SCEL: variants seen among roughly 807,000 people sequenced by gnomAD.
SCEL encodes sciellin.
SCEL carries 113 observed loss-of-function variants against 117.6 expected under a neutral mutation model. That is an observed-to-expected ratio of 0.96 (90% CI 0.83 to 1.12). The LOEUF (loss-of-function observed/expected upper bound fraction) is 1.12. Among genes scored for constraint, SCEL ranks in the 50% most tolerant of loss-of-function variants. The pLI is 0.00. For missense variants in SCEL, 785 were observed against 810.8 expected (o/e 0.97, Z 0.39); for synonymous variants, 270 against 256.2 (o/e 1.05, Z -0.51).
chr13:77,562,138 A>T (rs1196262615), intron 4 of SCEL, among the ~76,000 whole-genome samples: 1 of 152,168 alleles, frequency 6.6e-6, no homozygotes, highest in African/African-American at 2.4e-5. Flanking sequence ...CAAACAAAAC[A>T]AAGTCCCTGC....
In SCEL at chr13:77,604,363, G is replaced by T. The variant is rs372992849; in HGVS notation, c.1105G>T (p.Asp369Tyr). Residue 369 changes from aspartate (D) to tyrosine (Y), a missense_variant, in exon 19 of 33, where the codon GAC becomes TAC. Transcript: ENST00000349847. ...TAATTTCCTTTTTCAAAGAAAAAAA[G>T]ACCTTGATGGGCTTATTAAAGTGGA... ...KGHENTTGKK[D>Y]LDGLIKVDPE... 4 of 1,565,490 alleles carry T rather than the reference G, an allele frequency of 2.6e-6. No homozygotes were observed. Among genetic ancestry groups the T allele is most frequent in the Admixed American group, 2.1e-5 (1 of 46,722 alleles).
chr13:77,589,839 ATC>A (rs2086770624), intron 10 of SCEL, among the ~76,000 whole-genome samples: 1 of 152,130 alleles, frequency 6.6e-6, no homozygotes, highest in Non-Finnish European at 1.5e-5. Flanking sequence ...TCAGCTTTGA[ATC>A]TCTGTCACTC....
In SCEL at chr13:77,637,019, G is replaced by A. The variant is rs538182236; in HGVS notation, c.1764-101G>A. On this transcript the variant is annotated intron_variant, in intron 29 of 32. Transcript: ENST00000349847. ...CATCCTGGCTTGTAACATACACAAAGATAAAATATTATGAGGCTTCATGAG... is the reference window on the plus strand; with the variant it reads ...CATCCTGGCTTGTAACATACACAAAAATAAAATATTATGAGGCTTCATGAG... 496 of 544,762 alleles carry A rather than the reference G, an allele frequency of 9.1e-4. 10 individuals are homozygous for A. Among genetic ancestry groups the A allele is most frequent in the South Asian group, 9.1e-3 (476 of 52,386 alleles). 33.7% of individuals were successfully genotyped at this position (544,762 alleles called of 1,614,324 possible). A position where few individuals can be genotyped will look rare whatever the true frequency, so the allele number is the denominator to read the frequency against.
chr13:77,599,529 T>C, intron 14 of SCEL, 141 bp downstream of exon 14: 1 of 870,394 alleles, frequency 1.1e-6, no homozygotes. Flanking sequence ...GCATTGTACA[T>C]TTAGTTCAGA....
In SCEL at chr13:77,612,816, A is replaced by G. The variant is rs1478614715; in HGVS notation, c.1338-75A>G. 5 of 806,784 alleles carry G rather than the reference A, an allele frequency of 6.2e-6. No homozygotes were observed. The African/African-American group carries it at 9.0e-5, about 15-fold the overall frequency. 50.0% of individuals were successfully genotyped at this position (806,784 alleles called of 1,614,324 possible). ...TTTTAAATTAGCAGGTCATTTGATT[A>G]ATATTAAGGTTGAAAAAATATACAA... On this transcript the variant is annotated intron_variant, in intron 22 of 32. Transcript: ENST00000349847.
intron 26 of SCEL, 23 bp downstream of exon 26, chr13:77,617,885 C>T: frequency 6.3e-7 from 1 of 1,594,628 alleles, no homozygotes; most frequent in Non-Finnish European, 8.6e-7. Flanking sequence ...GCAGTCAATT[C>T]ATGTTTTTAT....
At chr13:77,589,637 A>G (rs2086759956) in intron 10 of SCEL, among the ~76,000 whole-genome samples, 1 of 152,192 alleles carries the variant, frequency 6.6e-6, no homozygotes, top group African/African-American at 2.4e-5. Context: ...ACTAAGAGAT[A>G]CAGATTCTGA....
At chr13:77,565,330 AT>A (rs558418107) in intron 5 of SCEL, among the ~76,000 whole-genome samples, 3 of 151,734 alleles carry the variant, frequency 2.0e-5, no homozygotes, top group Non-Finnish European at 4.4e-5. Context: ...GAACTCAAGC[AT>A]TTTTTTTCAA....
At chr13:77,604,860 T>C (rs1396870356) in intron 19 of SCEL, among the ~76,000 whole-genome samples, 1 of 152,136 alleles carries the variant, frequency 6.6e-6, no homozygotes, top group Admixed American at 6.6e-5. Context: ...AGTGCATGTG[T>C]GTATAAATGC....
intron 27 of SCEL, among the ~76,000 whole-genome samples, chr13:77,622,716 G>T (rs59410278): frequency 6.6e-6 from 1 of 152,066 alleles, no homozygotes; most frequent in South Asian, 2.1e-4. Flanking sequence ...AAAAAATTTA[G>T]CTGGGTGCGA....
At chr13:77,537,570 T>G (rs1263511110) in intron 1 of SCEL, among the ~76,000 whole-genome samples, 1 of 152,196 alleles carries the variant, frequency 6.6e-6, no homozygotes, top group Admixed American at 6.5e-5. Flanking sequence ...TTATTATATT[T>G]ATGAGATTTT....
At chr13:77,542,228 C>T (rs1186166497) in intron 1 of SCEL, among the ~76,000 whole-genome samples, 2 of 152,080 alleles carry the variant, frequency 1.3e-5, no homozygotes, top group Admixed American at 6.5e-5. Flanking sequence ...TGGTGAAACC[C>T]CGTCTCTACT....
At chr13:77,593,791 G>A (rs1488459712) in intron 12 of SCEL, among the ~76,000 whole-genome samples, 1 of 152,094 alleles carries the variant, frequency 6.6e-6, no homozygotes, top group East Asian at 1.9e-4. Flanking sequence ...TGCTTTTTCT[G>A]GCAATTTTAC....
intron 14 of SCEL, 55 bp from the exon 15 acceptor site, chr13:77,599,634 C>T: frequency 1.6e-6 from 2 of 1,282,192 alleles, no homozygotes; most frequent in Non-Finnish European, 2.3e-6. Context: ...TTCAAGATAC[C>T]ACACAATTTC....
chr13:77,579,724 C>T (rs1417805371), intron 9 of SCEL, among the ~76,000 whole-genome samples: 1 of 152,000 alleles, frequency 6.6e-6, no homozygotes, highest in African/African-American at 2.4e-5. Flanking sequence ...GAGAGGGAGG[C>T]AGTAGACGTT....
chr13:77,587,977 T>C (rs1465622209), intron 9 of SCEL, among the ~76,000 whole-genome samples: 1 of 152,186 alleles, frequency 6.6e-6, no homozygotes, highest in Non-Finnish European at 1.5e-5. Context: ...CAGGTCTTGG[T>C]TCAAATTTCA....
intron 1 of SCEL, among the ~76,000 whole-genome samples, chr13:77,540,383 G>A (rs977486190): frequency 6.6e-6 from 1 of 152,042 alleles, no homozygotes; most frequent in African/African-American, 2.4e-5. Flanking sequence ...TGGGGGTGGG[G>A]GAAGATTATT....
rs146967532 is a variant in SCEL at position 77,626,030 on chromosome 13, T to G, written c.1629-1917T>G. ...GTAGTCATTGTGTGTATTAGTCTGTTCTCATGCTGCCAATAAAGACATATC... is the reference window on the plus strand; with the variant it reads ...GTAGTCATTGTGTGTATTAGTCTGTGCTCATGCTGCCAATAAAGACATATC... On this transcript the variant is annotated intron_variant, in intron 27 of 32. Transcript: ENST00000349847. Among the ~76,000 whole-genome samples, 666 of 152,318 alleles carry G rather than the reference T, an allele frequency of 4.4e-3. 8 individuals carry two copies. The highest frequency in any genetic ancestry group is 0.015 in the African/African-American group (643 of 41,564).
At chr13:77,579,282 C>T (rs188433319) in intron 9 of SCEL, among the ~76,000 whole-genome samples, 1 of 152,196 alleles carries the variant, frequency 6.6e-6, no homozygotes, top group Non-Finnish European at 1.5e-5. Flanking sequence ...TTGCAGTGTA[C>T]TCATCAACTA....
Sources: gnomAD v4.1 joint callset for allele counts (sites outside exome capture counted in the v4.1 genomes callset) on GRCh38, gnomAD v4.1.1 for gene constraint, MANE v1.5 for transcripts, NCBI Gene and HGNC (gene_info 2026-07-23, HGNC 2026-07-21) for gene names.